The following MYLK4 variants were observed in gnomAD, a reference collection of about 807,000 sequenced individuals.
The protein encoded by MYLK4 is caMLCK like.
A neutral mutation model predicts 48.1 loss-of-function variants in MYLK4; 46 were observed. The ratio of observed to expected loss-of-function variants is 0.96; its 90% confidence interval spans 0.75 to 1.22. The LOEUF (loss-of-function observed/expected upper bound fraction) is 1.22. Ranked by LOEUF, MYLK4 falls within the 50% of genes most tolerant of loss-of-function variation. MYLK4 has a pLI of 0.00. For synonymous variants in MYLK4, 170 were observed against 180.8 expected (o/e 0.94, Z 0.48); for missense variants, 451 against 486.1 (o/e 0.93, Z 0.68).
upstream of MYLK4, among the ~76,000 whole-genome samples, chr6:2,753,070 A>G (rs1321978319): frequency 1.3e-5 from 2 of 152,242 alleles, no homozygotes; most frequent in Non-Finnish European, 2.9e-5. Flanking sequence ...ATTAGTGAGG[A>G]ATATGAGCAG....
At chr6:2,695,437 T>C (rs1261456830) in intron 2 of MYLK4, among the ~76,000 whole-genome samples, 1 of 152,190 alleles carries the variant, frequency 6.6e-6, no homozygotes, top group East Asian at 1.9e-4. Context: ...GGTGGAAAAG[T>C]CCACATGCTA....
chr6:2,690,942 C>T (rs189345195), intron 3 of MYLK4, among the ~76,000 whole-genome samples: 1 of 150,100 alleles, frequency 6.7e-6, no homozygotes, highest in East Asian at 2.0e-4. Context: ...CAATTCTCTG[C>T]CTCAGCCTCC....
chr6:2,704,622 G>A (rs2113226123), intron 2 of MYLK4, among the ~76,000 whole-genome samples: 1 of 152,308 alleles, frequency 6.6e-6, no homozygotes, highest in African/African-American at 2.4e-5. Flanking sequence ...TGTTTGCCCA[G>A]AGAGATACTT....
intron 2 of MYLK4, among the ~76,000 whole-genome samples, chr6:2,727,126 A>G (rs192221298): frequency 2.0e-5 from 3 of 152,338 alleles, no homozygotes; most frequent in Admixed American, 6.5e-5. Flanking sequence ...GTGGAATCCA[A>G]CTTAGGGGAT....
intron 2 of MYLK4, among the ~76,000 whole-genome samples, chr6:2,716,898 T>C (rs560286065): frequency 8.5e-5 from 13 of 152,320 alleles, no homozygotes; most frequent in African/African-American, 2.9e-4. Flanking sequence ...ATGCCTGATG[T>C]TACTATAGTA....
At chr6:2,765,997 C>T in the MYLK4 span, 523 of 1,379,702 alleles carry the variant, frequency 3.8e-4, no homozygotes, top group Non-Finnish European at 4.6e-4. Flanking sequence ...TTATCCCCGA[C>T]TTCCCGGTGG....
At chr6:2,718,149 C>T (rs1295226068) in intron 2 of MYLK4, among the ~76,000 whole-genome samples, 2 of 148,446 alleles carry the variant, frequency 1.3e-5, no homozygotes, top group African/African-American at 5.0e-5. Context: ...CATTGCACTC[C>T]AGTCTGGTCA....
At chr6:2,709,370 T>C (rs527660353) in intron 2 of MYLK4, among the ~76,000 whole-genome samples, 1 of 152,252 alleles carries the variant, frequency 6.6e-6, no homozygotes, top group Non-Finnish European at 1.5e-5. Context: ...AGTGGTGCCA[T>C]GAGACTTGCG....
intron 2 of MYLK4, among the ~76,000 whole-genome samples, chr6:2,742,530 A>G (rs1763931723): frequency 6.6e-6 from 1 of 151,326 alleles, no homozygotes; most frequent in Admixed American, 6.6e-5. Flanking sequence ...ATGGAATACT[A>G]TGCAGCCATA....
chr6:2,665,450 T>C lies in MYLK4; in HGVS notation c.*2475A>G, dbSNP rs1420346547. 6.6e-6 allele frequency: 1 copy of C among 152,240 alleles called. No homozygotes were observed. The highest frequency in any genetic ancestry group is 2.4e-5 in the African/African-American group (1 of 41,458). The allele number at this position is 152,240 out of a possible 1,614,324, so 9.4% of individuals were successfully genotyped here. A position where few individuals can be genotyped will look rare whatever the true frequency, so the allele number is the denominator to read the frequency against. On this transcript the variant is annotated 3_prime_UTR_variant, in exon 13 of 13. Transcript: ENST00000274643. The stretch of plus-strand genomic sequence containing the variant: ...GCCTTCCCATTCCAAATGTGGAAAT[T>C]TAACTACAGAATCAAACAAGATCCA...
At chr6:2,758,774 T>C in the MYLK4 span, among the ~76,000 whole-genome samples, 1 of 152,250 alleles carries the variant, frequency 6.6e-6, no homozygotes, top group Non-Finnish European at 1.5e-5. Context: ...TAAAACTGTC[T>C]GTAACCCATC....
intron 2 of MYLK4, among the ~76,000 whole-genome samples, chr6:2,745,446 G>C (rs1354800743): frequency 1.3e-5 from 2 of 152,148 alleles, no homozygotes; most frequent in Non-Finnish European, 2.9e-5. Context: ...ATTTGGTCTT[G>C]TAAATTTTAC....
At position 2,673,288 on chromosome 6, in the gene MYLK4, G is replaced by A. The variant is rs1760972084; in HGVS notation, c.1119+1759C>T. Among the ~76,000 whole-genome samples the A allele has an allele frequency of 6.6e-6, 1 of 152,150 alleles. No individual in the cohort carries two copies. The highest frequency in any genetic ancestry group is 2.1e-4 in the South Asian group (1 of 4,832). ...AAGCAGTTTATGTAGTCTGGGTGAG[G>A]TACCCACTAGGTAATAAGTCTATTT... On this transcript the variant is annotated intron_variant, in intron 11 of 12. Coordinates refer to ENST00000274643, the MANE Select transcript of MYLK4 (RefSeq NM_001012418.5). The surrounding 1 kb of genome is among the most constrained non-coding windows in gnomAD (Gnocchi z 4.2).
intron 6 of MYLK4, 76 bp from the exon 7 acceptor site, chr6:2,683,238 G>A (rs1369157544): frequency 7.2e-6 from 11 of 1,532,544 alleles, no homozygotes; most frequent in South Asian, 5.8e-5. Flanking sequence ...GTGACTTGTC[G>A]TGCAAGTTCT....
intron 2 of MYLK4, among the ~76,000 whole-genome samples, chr6:2,708,511 A>G (rs541118659): frequency 2.0e-5 from 3 of 152,318 alleles, no homozygotes; most frequent in Non-Finnish European, 2.9e-5. Flanking sequence ...AAATTATCCA[A>G]TCTCAAAAAA....
Position 2,688,058 on chromosome 6 carries a change from CTTTTTTTTTCT to C in MYLK4, c.341+782_341+792del, listed in dbSNP as rs1761625936. ...TTTTCCTTCTGGTTTTTTTTCTTTT[CTTTTTTTTTCT>C]TTTTTTTTGAGACAGAGTCTTACTC... is the stretch of plus-strand genomic sequence containing the variant. On this transcript the variant is annotated intron_variant, in intron 4 of 12. Coordinates refer to ENST00000274643, the MANE Select transcript of MYLK4 (RefSeq NM_001012418.5). Among the ~76,000 whole-genome samples the C allele has an allele frequency of 3.9e-5, 5 of 127,474 alleles. No homozygotes were observed. The Admixed American group carries it at 4.1e-4, about 10-fold the overall frequency. 83.6% of individuals were successfully genotyped at this position (127,474 alleles called of 152,430 possible). A position where few individuals can be genotyped will look rare whatever the true frequency, so the allele number is the denominator to read the frequency against.
intron 2 of MYLK4, among the ~76,000 whole-genome samples, chr6:2,695,674 G>A (rs1303904522): frequency 1.3e-5 from 2 of 152,152 alleles, no homozygotes; most frequent in South Asian, 2.1e-4. Context: ...ACTTTGAACC[G>A]AAGAGTTTCC....
chr6:2,690,978 GC>G (rs1761770943), intron 3 of MYLK4, among the ~76,000 whole-genome samples: 1 of 151,740 alleles, frequency 6.6e-6, no homozygotes, highest in Admixed American at 6.6e-5. Context: ...ACAGGCGCCC[GC>G]CACCACGCCC....
In MYLK4 at chr6:2,667,629, A is replaced by AT. The variant is rs11288502; in HGVS notation, c.*295dup. On this transcript the variant is annotated 3_prime_UTR_variant, in exon 13 of 13. Coordinates refer to ENST00000274643, the MANE Select transcript of MYLK4 (RefSeq NM_001012418.5). Reference sequence around the variant, plus strand: ...CTGCCCCAGTGACTAAGATCAAAAAATTTTTTTAAAAAAGTAAAAAATCTC... The same window carrying AT: ...CTGCCCCAGTGACTAAGATCAAAAAATTTTTTTTAAAAAAGTAAAAAATCTC... 1 of 152,686 alleles carries AT rather than the reference A, an allele frequency of 6.5e-6. No individual in the cohort carries two copies. The highest frequency in any genetic ancestry group is 1.9e-4 in the East Asian group (1 of 5,204). The allele number at this position is 152,686 out of a possible 1,614,324, so 9.5% of individuals were successfully genotyped here. A position where few individuals can be genotyped will look rare whatever the true frequency, so the allele number is the denominator to read the frequency against.
Sources: allele counts gnomAD v4.1 joint callset (sites outside exome capture counted in the v4.1 genomes callset), GRCh38; gene constraint gnomAD v4.1.1; non-coding constraint Gnocchi (gnomAD v3.1); transcripts MANE v1.5; gene names NCBI Gene and HGNC (gene_info 2026-07-23, HGNC 2026-07-21).